Variants in GYS1 observed in about 807,000 individuals in gnomAD.
GYS1 encodes glycogen synthase 1, also known as glycogen [starch] synthase, muscle.
A neutral mutation model predicts 89.1 loss-of-function variants in GYS1; 60 were observed. The observed-to-expected ratio is 0.67, with a 90% CI of 0.55 to 0.84. GYS1 has a LOEUF of 0.84. Ranked by LOEUF, GYS1 falls within the 40% of genes least tolerant of loss-of-function variation. The probability of loss-of-function intolerance (pLI) is 0.00; values close to 1 mark genes in which losing one functional copy is unlikely to be tolerated. For synonymous variants in GYS1, 366 were observed against 401.7 expected (o/e 0.91, Z 1.06); for missense variants, 888 against 1,003.1 (o/e 0.89, Z 1.55).
chr19:48,978,077 G>A (rs754087554), intron 9 of GYS1, 21 bp downstream of exon 9: 61 of 1,612,170 alleles, frequency 3.8e-5, no homozygotes, highest in Non-Finnish European at 4.8e-5. Flanking sequence ...GAGGGCACAG[G>A]GCTGAGGGTG....
chr19:48,986,170 A>T (rs888813039), intron 3 of GYS1, 135 bp from the exon 4 acceptor site: 1 of 788,134 alleles, frequency 1.3e-6, no homozygotes, highest in Non-Finnish European at 2.1e-6. Flanking sequence ...GGCCCACTGC[A>T]GCAATCCCAA....
chr19:48,968,954 C>A lies in GYS1; in HGVS notation c.*334G>T, dbSNP rs1380815530. On this transcript the variant is annotated 3_prime_UTR_variant, in exon 16 of 16. Transcript: ENST00000323798. ...CACGGGGGGCTCTAAAAGCCCCAGA[C>A]CTGAAAGCACCATGCCAGGTTTCCT... 1.8e-6 allele frequency: 1 copy of A among 551,308 alleles called. No homozygotes were observed. The highest frequency in any genetic ancestry group is 3.5e-6 in the Non-Finnish European group (1 of 289,716). The allele number at this position is 551,308 out of a possible 1,614,324, so 34.2% of individuals were successfully genotyped here. A position where few individuals can be genotyped will look rare whatever the true frequency, so the allele number is the denominator to read the frequency against.
intron 10 of GYS1, among the ~76,000 whole-genome samples, chr19:48,976,051 G>T (rs1159070059): frequency 1.3e-5 from 2 of 152,024 alleles, no homozygotes; most frequent in Admixed American, 1.3e-4. Flanking sequence ...GGACTGCTGG[G>T]GTGTATAGTT....
intron 10 of GYS1, among the ~76,000 whole-genome samples, chr19:48,975,649 C>T (rs2038634086): frequency 6.6e-6 from 1 of 151,842 alleles, no homozygotes; most frequent in Admixed American, 6.6e-5. Flanking sequence ...TTCCAACCAC[C>T]AGGCGTGGTG....
intron 8 of GYS1, 54 bp downstream of exon 8, chr19:48,981,476 A>G (rs2038761657): frequency 1.1e-6 from 1 of 948,186 alleles, no homozygotes; most frequent in Admixed American, 1.7e-5. Flanking sequence ...CACAGGACCC[A>G]AAGCATGCAT....
intron 6 of GYS1, 137 bp from the exon 7 acceptor site, chr19:48,982,512 G>A: frequency 2.1e-6 from 2 of 972,356 alleles, no homozygotes; most frequent in Non-Finnish European, 3.2e-6. Flanking sequence ...GGGGCCTCCT[G>A]GGAGTTGTAG....
In GYS1 at chr19:48,985,454, C is replaced by A. The variant is rs1382948747; in HGVS notation, c.823+7G>T. On this transcript the variant is annotated splice_region_variant and intron_variant, in intron 5 of 15. Coordinates refer to ENST00000323798, the MANE Select transcript of GYS1 (RefSeq NM_002103.5). ...TTCACGTCTGGGGACTTCAGCCCAG[C>A]CCCTACCTGGTTTCCTCTTGAGCAA... The A allele has an allele frequency of 6.2e-7, 1 of 1,613,174 alleles. No individual in the cohort carries two copies. The highest frequency in any genetic ancestry group is 2.2e-5 in the East Asian group (1 of 44,892).
intron 2 of GYS1, among the ~76,000 whole-genome samples, chr19:48,990,422 T>A (rs1181667551): frequency 6.6e-6 from 1 of 152,164 alleles, no homozygotes; most frequent in Non-Finnish European, 1.5e-5. Flanking sequence ...TAGGACTGGC[T>A]TTCTGAAACA....
At chr19:48,982,573 C>T (rs563314042) in intron 6 of GYS1, 147 bp downstream of exon 6, 100 of 854,024 alleles carry the variant, frequency 1.2e-4, no homozygotes, top group Middle Eastern at 2.9e-4. Flanking sequence ...ATTGTTCCAG[C>T]GCTCAAGAAT....
At chr19:48,988,493 AT>A (rs1401199811) in intron 2 of GYS1, among the ~76,000 whole-genome samples, 1 of 151,810 alleles carries the variant, frequency 6.6e-6, no homozygotes, top group African/African-American at 2.4e-5. Context: ...TGATTTTTTA[AT>A]TTTTTGTGGA....
At chr19:48,981,773 A>C (rs941722832) in intron 7 of GYS1, 137 bp from the exon 8 acceptor site, 3 of 647,744 alleles carry the variant, frequency 4.6e-6, no homozygotes, top group Admixed American at 4.7e-5. Flanking sequence ...CCCCACCTGG[A>C]CTCTGACCTT....
chr19:48,985,816 T>G, intron 4 of GYS1, 34 bp downstream of exon 4: 1 of 1,608,778 alleles, frequency 6.2e-7, no homozygotes, highest in Non-Finnish European at 8.5e-7. Context: ...CCTGGCATAC[T>G]CGCAGTCCCC....
chr19:48,990,001 G>GGGC (rs1555800127), intron 2 of GYS1, among the ~76,000 whole-genome samples: 4 of 125,622 alleles, frequency 3.2e-5, no homozygotes, highest in Non-Finnish European at 3.4e-5. Flanking sequence ...CTTTTGCTGG[G>GGGC]GGGGGGGGGG....
chr19:48,974,721 G>T lies in GYS1; in HGVS notation c.1321C>A (p.Pro441Thr). 1 of 1,612,064 alleles carries T rather than the reference G, an allele frequency of 6.2e-7. No homozygotes were observed. Among genetic ancestry groups the T allele is most frequent in the Non-Finnish European group, 8.5e-7 (1 of 1,178,282 alleles). The change falls in exon 11 of 16, where the codon CCC (proline) becomes ACC (threonine). Residue 441 changes from proline to threonine, a missense_variant. Transcript: ENST00000323798. Reference protein sequence around the residue: ...AIFATQRQSFPPVCTHNMLDD... With the variant: ...AIFATQRQSFTPVCTHNMLDD... ...AGCATATTGTGGGTGCACACAGGGG[G>T]GAAAGACTGCCGCTGCAGGAGCCAC...
chr19:48,980,004 G>A (rs2038732702), intron 8 of GYS1, among the ~76,000 whole-genome samples: 1 of 151,980 alleles, frequency 6.6e-6, no homozygotes, highest in Non-Finnish European at 1.5e-5. Flanking sequence ...GAGTGCAGTG[G>A]CGCAATCATG....
chr19:48,982,521 A>G (rs951433942), intron 6 of GYS1, 146 bp from the exon 7 acceptor site: 6 of 950,452 alleles, frequency 6.3e-6, no homozygotes, highest in Non-Finnish European at 1.0e-5. Context: ...TGGGAGTTGT[A>G]GTTCTTCTCT....
Position 48,968,327 on chromosome 19 carries a change from A to G in GYS1, c.*961T>C, listed in dbSNP as rs1233213471. 2.2e-6 allele frequency: 1 copy of G among 454,374 alleles called. No individual in the cohort carries two copies. The highest frequency in any genetic ancestry group is 6.9e-5 in the East Asian group (1 of 14,402). The allele number at this position is 454,374 out of a possible 1,614,324, so 28.1% of individuals were successfully genotyped here. ...GCCTCGAGGTAAATGTGGGGGTTCT[A>G]GAACCCAGTGACCTCAGTTCTGGAT... is the stretch of plus-strand genomic sequence containing the variant. On this transcript the variant is annotated 3_prime_UTR_variant, in exon 16 of 16. Transcript: ENST00000323798.
chr19:48,977,454 G>A (rs978925913), intron 10 of GYS1, among the ~76,000 whole-genome samples: 2 of 152,018 alleles, frequency 1.3e-5, no homozygotes, highest in African/African-American at 2.4e-5. Flanking sequence ...TTAGCTGGGT[G>A]TGGTGGCATG....
In GYS1 at chr19:48,978,084, G is replaced by T. The variant is rs750469452; in HGVS notation, c.1229+14C>A. ...GGGCCTAGGAGGGCACAGGGCTGAG[G>T]GTGGGGCACTCACACCAGTAAGGAT... On this transcript the variant is annotated intron_variant, in intron 9 of 15. Transcript: ENST00000323798. The T allele has an allele frequency of 1.2e-6, 2 of 1,612,462 alleles. No individual in the cohort carries two copies. The highest frequency in any genetic ancestry group is 4.5e-5 in the East Asian group (2 of 44,874).
Sources: gnomAD v4.1 joint callset for allele counts (sites outside exome capture counted in the v4.1 genomes callset) on GRCh38, gnomAD v4.1.1 for gene constraint, MANE v1.5 for transcripts, NCBI Gene and HGNC (gene_info 2026-07-23, HGNC 2026-07-21) for gene names.